The following LRRTM3 variants were observed in gnomAD, a reference collection of about 807,000 sequenced individuals.
LRRTM3 encodes leucine rich repeat transmembrane neuronal 3, also known as leucine-rich repeat transmembrane neuronal protein 3.
Under a neutral mutation model 44.7 loss-of-function variants are expected in LRRTM3, and 24 were observed. The observed-to-expected ratio is 0.54, with a 90% CI of 0.39 to 0.76. The LOEUF is 0.76. Among genes scored for constraint, LRRTM3 ranks in the 30% least tolerant of loss-of-function variants. LRRTM3 has a pLI of 0.00. For synonymous variants in LRRTM3, 277 were observed against 278.7 expected, an observed-to-expected ratio of 0.99 and a Z score of 0.06; for missense variants, 587 against 702.2, an observed-to-expected ratio of 0.84 and a Z score of 1.85.
intron 2 of LRRTM3, among the ~76,000 whole-genome samples, chr10:67,093,304 G>A (rs892500618): frequency 3.9e-5 from 6 of 151,906 alleles, no homozygotes; most frequent in Non-Finnish European, 8.8e-5. Flanking sequence ...ATGAAATAAT[G>A]TATTTGGGTA....
Position 67,071,831 on chromosome 10 carries a change from C to T in LRRTM3, c.1537-25756C>T, listed in dbSNP as rs192103693. ...TCTTTCTATGCTTTGAGTATTTTTT[C>T]AGTTCACTAAACTTGTATTATACTG... On this transcript the variant is annotated intron_variant, in intron 2 of 2. Transcript: ENST00000361320. Among the ~76,000 whole-genome samples, 582 of 152,182 alleles carry T rather than the reference C, an allele frequency of 3.8e-3. 5 individuals carry two copies. Among genetic ancestry groups the T allele is most frequent in the African/African-American group, 0.013 (558 of 41,534 alleles).
chr10:67,039,950 A>G (rs1395667357), intron 2 of LRRTM3, among the ~76,000 whole-genome samples: 2 of 152,138 alleles, frequency 1.3e-5, no homozygotes, highest in African/African-American at 4.8e-5. Context: ...GTCATAAAGC[A>G]TATTAGCTGT....
chr10:66,997,596 T>C (rs1484395241), intron 2 of LRRTM3, among the ~76,000 whole-genome samples: 1 of 152,202 alleles, frequency 6.6e-6, no homozygotes, highest in Non-Finnish European at 1.5e-5. Flanking sequence ...ATACACTGTT[T>C]TCCTAAATTC....
intron 2 of LRRTM3, among the ~76,000 whole-genome samples, chr10:67,010,957 C>T (rs1440358839): frequency 6.6e-6 from 1 of 152,098 alleles, no homozygotes; most frequent in Non-Finnish European, 1.5e-5. Context: ...TCTTAGACAA[C>T]TATAATATAA....
At chr10:66,949,913 C>A (rs1456735759) in intron 2 of LRRTM3, among the ~76,000 whole-genome samples, 1 of 152,170 alleles carries the variant, frequency 6.6e-6, no homozygotes, top group Admixed American at 6.6e-5. Context: ...TTCAGAATCA[C>A]GGGCCTAAAG....
intron 2 of LRRTM3, among the ~76,000 whole-genome samples, chr10:67,031,047 A>G (rs1336608066): frequency 6.6e-6 from 1 of 152,188 alleles, no homozygotes; most frequent in Non-Finnish European, 1.5e-5. Flanking sequence ...TGTGTCACAC[A>G]CAGCCTCTGA....
At chr10:66,989,101 T>A (rs1335799299) in intron 2 of LRRTM3, among the ~76,000 whole-genome samples, 1 of 152,166 alleles carries the variant, frequency 6.6e-6, no homozygotes, top group Non-Finnish European at 1.5e-5. Context: ...GGAAATTGTA[T>A]CTGTTTTACT....
chr10:66,964,002 A>G (rs1849265399), intron 2 of LRRTM3, among the ~76,000 whole-genome samples: 1 of 151,692 alleles, frequency 6.6e-6, no homozygotes, highest in Non-Finnish European at 1.5e-5. Flanking sequence ...ATGCACCACC[A>G]TGCCCAGCTA....
chr10:67,047,916 G>A lies in LRRTM3; in HGVS notation c.1537-49671G>A, dbSNP rs147612909. Reference sequence around the variant, plus strand: ...AAAGTGGCCCTAACACCTACTGGGTGTTAAAAGATAATCTTGGATTAGCAG... The same window carrying A: ...AAAGTGGCCCTAACACCTACTGGGTATTAAAAGATAATCTTGGATTAGCAG... On this transcript the variant is annotated intron_variant, in intron 2 of 2. Coordinates refer to ENST00000361320, the MANE Select transcript of LRRTM3 (RefSeq NM_178011.5). 9.5e-3 allele frequency among the ~76,000 whole-genome samples: 1,442 copies of A among 152,106 alleles called. 25 individuals are homozygous for A. Among genetic ancestry groups the A allele is most frequent in the African/African-American group, 0.033 (1,375 of 41,502 alleles).
intron 2 of LRRTM3, among the ~76,000 whole-genome samples, chr10:67,041,567 C>A: frequency 6.6e-6 from 1 of 152,076 alleles, no homozygotes; most frequent in East Asian, 1.9e-4. Context: ...TAGTAATTGA[C>A]TGGCTCATAA....
chr10:66,990,072 G>A (rs1850959223), intron 2 of LRRTM3, among the ~76,000 whole-genome samples: 1 of 152,180 alleles, frequency 6.6e-6, no homozygotes, highest in African/African-American at 2.4e-5. Flanking sequence ...CTCACTATGA[G>A]ATGGGTTGGA....
At chr10:67,056,408 T>C (rs1855434282) in intron 2 of LRRTM3, among the ~76,000 whole-genome samples, 1 of 152,154 alleles carries the variant, frequency 6.6e-6, no homozygotes, top group Non-Finnish European at 1.5e-5. Context: ...GTACTACCCA[T>C]TTTTGCATCT....
intron 2 of LRRTM3, among the ~76,000 whole-genome samples, chr10:67,078,007 T>C (rs1412488690): frequency 4.6e-5 from 7 of 152,230 alleles, no homozygotes; most frequent in South Asian, 2.1e-4. Flanking sequence ...ATCTGTTACT[T>C]TGGATAATTC....
chr10:66,968,973 C>T (rs558114758), intron 2 of LRRTM3, among the ~76,000 whole-genome samples: 3 of 152,032 alleles, frequency 2.0e-5, no homozygotes, highest in East Asian at 1.9e-4. Context: ...GCTGAGAACA[C>T]ACCACTGCAC....
chr10:66,998,574 AGT>A (rs145672228), intron 2 of LRRTM3, among the ~76,000 whole-genome samples: 3,477 of 152,332 alleles, frequency 0.023, 70 homozygotes, highest in Non-Finnish European at 0.037. Flanking sequence ...AACAGAAGAA[AGT>A]GAGACACTTG....
intron 2 of LRRTM3, among the ~76,000 whole-genome samples, chr10:66,937,822 C>T (rs1248782838): frequency 6.6e-6 from 1 of 152,134 alleles, no homozygotes; most frequent in South Asian, 2.1e-4. Context: ...AATTTCTGAG[C>T]TTTTCCAGAA....
chr10:67,042,333 T>C (rs1261593754), intron 2 of LRRTM3, among the ~76,000 whole-genome samples: 1 of 152,112 alleles, frequency 6.6e-6, no homozygotes, highest in Non-Finnish European at 1.5e-5. Flanking sequence ...ATCAGTTGGA[T>C]GTGAGACATG....
intron 2 of LRRTM3, among the ~76,000 whole-genome samples, chr10:66,997,116 A>T (rs1362384974): frequency 6.6e-6 from 1 of 152,204 alleles, no homozygotes; most frequent in Non-Finnish European, 1.5e-5. Flanking sequence ...GCAGAAGATG[A>T]TCTGCACATC....
At chr10:67,045,146 T>C (rs1169432891) in intron 2 of LRRTM3, among the ~76,000 whole-genome samples, 3 of 152,202 alleles carry the variant, frequency 2.0e-5, no homozygotes, top group Admixed American at 1.3e-4. Flanking sequence ...CAGTAAATGC[T>C]GAAGCATACA....
Sources: gnomAD v4.1 joint callset for allele counts (sites outside exome capture counted in the v4.1 genomes callset) on GRCh38, gnomAD v4.1.1 for gene constraint, MANE v1.5 for transcripts, NCBI Gene and HGNC (gene_info 2026-07-23, HGNC 2026-07-21) for gene names.